Variants in FHIP1A observed in about 807,000 individuals in gnomAD.
FHIP1A encodes FHF complex subunit HOOK-interacting protein 1A.
In FHIP1A, 61 loss-of-function variants were observed where a neutral mutation model predicts 88.6. The observed-to-expected ratio is 0.69, with a 90% CI of 0.56 to 0.85. FHIP1A has a LOEUF of 0.85. Ranked by LOEUF, FHIP1A falls within the 40% of genes least tolerant of loss-of-function variation. The pLI, the probability that FHIP1A is intolerant of heterozygous loss-of-function variation, is 0.00. For synonymous variants in FHIP1A, 478 were observed against 496.0 expected, an observed-to-expected ratio of 0.96 and a Z score of 0.48; for missense variants, 1,154 against 1,273.5, an observed-to-expected ratio of 0.91 and a Z score of 1.43.
chr4:151,459,422 G>C (rs1729074412), intron 2 of FHIP1A, among the ~76,000 whole-genome samples: 1 of 152,086 alleles, frequency 6.6e-6, no homozygotes, highest in Non-Finnish European at 1.5e-5. Context: ...AGCAAGAGTG[G>C]GTCTAGGGAA....
chr4:151,414,449 A>C (rs542525000), intron 1 of FHIP1A, among the ~76,000 whole-genome samples: 1 of 152,340 alleles, frequency 6.6e-6, no homozygotes, highest in African/African-American at 2.4e-5. Flanking sequence ...AAAATGCTTC[A>C]AATGGTTTTT....
rs1736980465 is a variant in FHIP1A at position 151,650,363 on chromosome 4, C to T, written c.2322C>T (p.Tyr774=). The T allele has an allele frequency of 4.5e-6, 7 of 1,551,662 alleles. No individual in the cohort carries two copies. Among genetic ancestry groups the T allele is most frequent in the Non-Finnish European group, 6.1e-6 (7 of 1,146,996 alleles). The change falls in exon 11 of 14, where the codon TAC becomes TAT. Residue 774 remains tyrosine (Y), a synonymous_variant. Coordinates refer to ENST00000435205, the MANE Select transcript of FHIP1A (RefSeq NM_001109977.3). ...SGAEGLMEQN[Y]PTPDPLLLTK... ...CCGAGGGCTTGATGGAACAGAATTA[C>T]CCCACACCTGATCCCTTGCTTCTCA... is the stretch of plus-strand genomic sequence containing the variant.
chr4:151,591,666 G>A (rs186597315), intron 7 of FHIP1A, among the ~76,000 whole-genome samples: 5 of 152,038 alleles, frequency 3.3e-5, no homozygotes, highest in East Asian at 3.9e-4. Context: ...ATGTGTTCTC[G>A]TTCAACTCCC....
rs1287534491 is a variant in FHIP1A, at chr4:151,551,482, A to G, written c.-122-14656A>G. Among the ~76,000 whole-genome samples, 4 of 152,348 alleles carry G rather than the reference A, an allele frequency of 2.6e-5. No homozygotes were observed. In the East Asian group the frequency reaches 5.8e-4, roughly 22 times the overall value. The stretch of plus-strand genomic sequence containing the variant: ...AACAGCATGGTACTGGTACCAAAAC[A>G]GAGATATAGACCAATGGAATAGAAC... On this transcript the variant is annotated intron_variant, in intron 3 of 13. Coordinates refer to ENST00000435205, the MANE Select transcript of FHIP1A (RefSeq NM_001109977.3).
intron 7 of FHIP1A, among the ~76,000 whole-genome samples, chr4:151,619,664 C>A (rs1216402643): frequency 6.6e-6 from 1 of 152,208 alleles, no homozygotes; most frequent in Non-Finnish European, 1.5e-5. Flanking sequence ...CTAAAACATT[C>A]ATTTGTTAAT....
At position 151,650,301 on chromosome 4, in the gene FHIP1A, C is replaced by A. The variant is rs75618094; in HGVS notation, c.2260C>A (p.Gln754Lys). 3,626 of 1,551,678 alleles carry A rather than the reference C, an allele frequency of 2.3e-3. 71 individuals are homozygous for A. The African/African-American group carries it at 0.044, about 19-fold the overall frequency. Residue 754 changes from glutamine (Q) to lysine (K), a missense_variant, in exon 11 of 14, where the codon CAG becomes AAG. By Grantham distance (53) the Gln-to-Lys change is moderately conservative. Coordinates refer to ENST00000435205, the MANE Select transcript of FHIP1A (RefSeq NM_001109977.3). Reference sequence around the variant, plus strand: ...CCCGGAGAGCGAGGAGCTCATTGCCCAGTATGACCAAATCATTAAAGAGCT... The same window carrying A: ...CCCGGAGAGCGAGGAGCTCATTGCCAAGTATGACCAAATCATTAAAGAGCT... ...AHPESEELIAQYDQIIKELDS... is the reference protein window; with the variant it reads ...AHPESEELIAKYDQIIKELDS...
At chr4:151,636,088 A>G (rs1419245142) in intron 8 of FHIP1A, among the ~76,000 whole-genome samples, 2 of 151,982 alleles carry the variant, frequency 1.3e-5, no homozygotes, top group Non-Finnish European at 2.9e-5. Flanking sequence ...ACACTAGCAA[A>G]TGAAATCTAG....
intron 1 of FHIP1A, among the ~76,000 whole-genome samples, chr4:151,429,226 C>G (rs536889253): frequency 1.3e-3 from 202 of 152,342 alleles, no homozygotes; most frequent in African/African-American, 4.7e-3. Context: ...TGAAGGCAGG[C>G]AGTTCGCCTG....
At chr4:151,495,396 G>C (rs1730424364) in intron 3 of FHIP1A, among the ~76,000 whole-genome samples, 1 of 151,698 alleles carries the variant, frequency 6.6e-6, no homozygotes, top group Non-Finnish European at 1.5e-5. Flanking sequence ...CAGCTACTCG[G>C]GAGGCTGAGG....
chr4:151,413,043 T>C (rs1381855166), intron 1 of FHIP1A, among the ~76,000 whole-genome samples: 1 of 152,120 alleles, frequency 6.6e-6, no homozygotes, highest in Admixed American at 6.5e-5. Context: ...CAGGACTATA[T>C]ATGAATATGT....
chr4:151,647,669 T>C (rs898869758), intron 10 of FHIP1A, among the ~76,000 whole-genome samples: 5 of 152,244 alleles, frequency 3.3e-5, no homozygotes, highest in Non-Finnish European at 7.3e-5. Context: ...GCAATTTATG[T>C]AATTTAATTA....
Position 151,499,497 on chromosome 4 carries a change from G to T in FHIP1A, c.-123+16849G>T, listed in dbSNP as rs528505761. ...AACTTTCCTTGACCATGTTATTCCT[G>T]ACCAGATTCTGAAATATGATTTCGT... On this transcript the variant is annotated intron_variant, in intron 3 of 13. Coordinates refer to ENST00000435205, the MANE Select transcript of FHIP1A (RefSeq NM_001109977.3). 4.6e-4 allele frequency among the ~76,000 whole-genome samples: 70 copies of T among 152,250 alleles called. 2 individuals are homozygous for T. Among genetic ancestry groups the T allele is most frequent in the Admixed American group, 4.1e-3 (63 of 15,292 alleles).
intron 3 of FHIP1A, among the ~76,000 whole-genome samples, chr4:151,542,493 G>A (rs1732332857): frequency 6.6e-6 from 1 of 152,038 alleles, no homozygotes; most frequent in South Asian, 2.1e-4. Flanking sequence ...TGTACTACCT[G>A]CTTTACCTGC....
At chr4:151,639,917 G>GA (rs1166686890) in intron 9 of FHIP1A, among the ~76,000 whole-genome samples, 1 of 152,198 alleles carries the variant, frequency 6.6e-6, no homozygotes, top group African/African-American at 2.4e-5. Flanking sequence ...GAAGAGGGAG[G>GA]AGACCTGGTC....
chr4:151,630,193 CAT>C (rs1265923210), intron 8 of FHIP1A, among the ~76,000 whole-genome samples: 4 of 152,120 alleles, frequency 2.6e-5, no homozygotes, highest in African/African-American at 9.7e-5. Flanking sequence ...TGCAAGGGAA[CAT>C]GTGGGCTTAA....
intron 4 of FHIP1A, among the ~76,000 whole-genome samples, chr4:151,572,858 A>G (rs1181250960): frequency 6.6e-6 from 1 of 152,212 alleles, no homozygotes; most frequent in Non-Finnish European, 1.5e-5. Flanking sequence ...GTCTCCTGAG[A>G]GAGAAACACT....
rs538058404 is a variant in FHIP1A at position 151,566,258 on chromosome 4, T to A, written c.-2T>A. On this transcript the variant is annotated 5_prime_UTR_variant, in exon 4 of 14. Transcript: ENST00000435205. The stretch of plus-strand genomic sequence containing the variant: ...CTTAGAAGCATTGATTTATGAAGGC[T>A]TATGATGTCATCGGTTTCGACAGAA... 1 of 1,544,052 alleles carries A rather than the reference T, an allele frequency of 6.5e-7. No individual in the cohort carries two copies. The highest frequency in any genetic ancestry group is 1.4e-5 in the African/African-American group (1 of 72,990).
At chr4:151,486,835 CA>C (rs1376645254) in intron 3 of FHIP1A, among the ~76,000 whole-genome samples, 3 of 151,756 alleles carry the variant, frequency 2.0e-5, no homozygotes. Flanking sequence ...GGTGTGGTGT[CA>C]GGCACCTGTA....
chr4:151,475,449 G>A (rs971443803), intron 2 of FHIP1A, among the ~76,000 whole-genome samples: 3 of 152,190 alleles, frequency 2.0e-5, no homozygotes, highest in Non-Finnish European at 4.4e-5. Context: ...AAAGGCTTCT[G>A]TAAATAGGTC....
Sources: gnomAD v4.1 joint callset for allele counts (sites outside exome capture counted in the v4.1 genomes callset) on GRCh38, gnomAD v4.1.1 for gene constraint, MANE v1.5 for transcripts, NCBI Gene and HGNC (gene_info 2026-07-23, HGNC 2026-07-21) for gene names.